The following TPRA1 variants were observed in gnomAD, a reference collection of about 807,000 sequenced individuals.
TPRA1 encodes the protein transmembrane protein adipocyte-associated 1.
In TPRA1, 28 loss-of-function variants were observed where a neutral mutation model predicts 40.1. The observed-to-expected ratio is 0.70, with a 90% CI of 0.52 to 0.96. TPRA1 has a LOEUF of 0.96. TPRA1 is among the 40% of genes least tolerant of loss of function. The pLI is 0.00. For missense variants in TPRA1, 441 were observed against 482.6 expected, an observed-to-expected ratio of 0.91 and a Z score of 0.81; for synonymous variants, 219 against 209.7, an observed-to-expected ratio of 1.04 and a Z score of -0.38.
Position 127,580,621 on chromosome 3 carries a change from C to T in TPRA1, c.-17-458G>A, listed in dbSNP as rs957261804. ...GATGCCGAGTGCCTCAAACAAGGCA[C>T]ACACGTGAGGAGTTCTTGGTAGCGG... On this transcript the variant is annotated intron_variant, in intron 1 of 10. Transcript: ENST00000355552. 5.9e-5 allele frequency among the ~76,000 whole-genome samples: 9 copies of T among 152,364 alleles called. No individual in the cohort carries two copies. The South Asian group carries it at 8.3e-4, about 14-fold the overall frequency.
upstream of TPRA1, among the ~76,000 whole-genome samples, chr3:127,592,317 C>T (rs2107675634): frequency 6.6e-6 from 1 of 151,854 alleles, no homozygotes; most frequent in Middle Eastern, 3.4e-3. Flanking sequence ...TCGGTTCGAA[C>T]CCTGCGAGCG....
intron 3 of TPRA1, among the ~76,000 whole-genome samples, chr3:127,578,185 A>G (rs542635095): frequency 6.6e-6 from 1 of 152,334 alleles, no homozygotes; most frequent in South Asian, 2.1e-4. Context: ...CTTTTGTGCC[A>G]TGAGAAATTG....
intron 1 of TPRA1, chr3:127,587,971 C>A (rs1433599064): frequency 1.3e-5 from 2 of 152,494 alleles, no homozygotes; most frequent in African/African-American, 4.8e-5. Context: ...ACGTAGTAAC[C>A]TCTGTGCCTA....
rs1291768036 is a variant in TPRA1, at chr3:127,576,914, G to A, written c.346-21C>T. 1 of 1,613,648 alleles carries A rather than the reference G, an allele frequency of 6.2e-7. No individual in the cohort carries two copies. The highest frequency in any genetic ancestry group is 8.5e-7 in the Non-Finnish European group (1 of 1,179,974). ...AGGATCTGCACGCAGAGTGGGCACA[G>A]CGTCAGCCTGGACCAGCATCCCCAG... On this transcript the variant is annotated intron_variant, in intron 4 of 10. Coordinates refer to ENST00000355552, the MANE Select transcript of TPRA1 (RefSeq NM_001136053.4). The surrounding 1 kb of genome is among the most constrained non-coding windows in gnomAD (Gnocchi z 4.6).
At position 127,576,716 on chromosome 3, in the gene TPRA1, C is replaced by T. The variant is rs2073644695; in HGVS notation, c.419-20G>A. 1 of 1,609,330 alleles carries T rather than the reference C, an allele frequency of 6.2e-7. No individual in the cohort carries two copies. The highest frequency in any genetic ancestry group is 1.1e-5 in the South Asian group (1 of 90,330). ...GGTGGCCTGGAAGAAACATGCTGGT[C>T]AGCAGGCAGGAGCCAGCCCAGGTGA... is the stretch of plus-strand genomic sequence containing the variant. On this transcript the variant is annotated intron_variant, in intron 5 of 10. Transcript: ENST00000355552. This position sits in a 1 kb window ranked among gnomAD's most constrained non-coding sequence, Gnocchi z 4.6.
upstream of TPRA1, among the ~76,000 whole-genome samples, chr3:127,592,831 G>A (rs896993213): frequency 2.6e-5 from 4 of 152,134 alleles, no homozygotes; most frequent in African/African-American, 9.7e-5. Flanking sequence ...GTTGTACCCG[G>A]ATGGACTCTT....
rs1436139470 is a variant in TPRA1, at chr3:127,576,921, C to T, written c.346-28G>A. 6.2e-7 allele frequency: 1 copy of T among 1,613,670 alleles called. No homozygotes were observed. The highest frequency in any genetic ancestry group is 1.7e-5 in the Admixed American group (1 of 60,026). ...GCACGCAGAGTGGGCACAGCGTCAG[C>T]CTGGACCAGCATCCCCAGCCCACCC... is the stretch of plus-strand genomic sequence containing the variant. On this transcript the variant is annotated intron_variant, in intron 4 of 10. Transcript: ENST00000355552. This position sits in a 1 kb window ranked among gnomAD's most constrained non-coding sequence, Gnocchi z 4.6.
intron 1 of TPRA1, among the ~76,000 whole-genome samples, chr3:127,584,327 G>C (rs2073929945): frequency 1.3e-5 from 2 of 149,798 alleles, no homozygotes; most frequent in Admixed American, 1.3e-4. Context: ...TGTAGTCTTA[G>C]CTACTCGGTG....
Position 127,590,663 on chromosome 3 carries a change from C to G in TPRA1, c.-271G>C, listed in dbSNP as rs1359707211. The G allele has an allele frequency of 3.3e-5, 5 of 152,290 alleles. No homozygotes were observed. The highest frequency in any genetic ancestry group is 7.3e-5 in the Non-Finnish European group (5 of 68,114). 9.4% of individuals were successfully genotyped at this position (152,290 alleles called of 1,614,324 possible). ...CTCGCGGACACCCTGCAGCCCTTCC[C>G]GACAGCGGCGACCGGGAAAGCAAGA... On this transcript the variant is annotated 5_prime_UTR_variant, in exon 1 of 11. Coordinates refer to ENST00000355552, the MANE Select transcript of TPRA1 (RefSeq NM_001136053.4).
chr3:127,597,241 G>A (rs983387268), intron 1 of TPRA1, among the ~76,000 whole-genome samples: 8 of 152,168 alleles, frequency 5.3e-5, no homozygotes, highest in Non-Finnish European at 1.0e-4. Context: ...GGCTAAGAGG[G>A]TTGCGATTCA....
intron 10 of TPRA1, among the ~76,000 whole-genome samples, chr3:127,574,012 G>A (rs2073477442): frequency 6.6e-6 from 1 of 152,166 alleles, no homozygotes; most frequent in South Asian, 2.1e-4. Flanking sequence ...GGGCATCTGT[G>A]CCTGCTTCCT....
chr3:127,596,422 A>G (rs2074241137), intron 1 of TPRA1, among the ~76,000 whole-genome samples: 1 of 152,176 alleles, frequency 6.6e-6, no homozygotes, highest in Non-Finnish European at 1.5e-5. Context: ...ACACAAGCCC[A>G]TGCAGAGTCT....
chr3:127,575,504 AGCTGGGG>A lies in TPRA1; in HGVS notation c.671-6_671del. The A allele has an allele frequency of 1.3e-6, 2 of 1,566,610 alleles. No individual in the cohort carries two copies. Among genetic ancestry groups the A allele is most frequent in the Non-Finnish European group, 1.7e-6 (2 of 1,157,700 alleles). On this transcript the variant is annotated splice_acceptor_variant and splice_polypyrimidine_tract_variant and coding_sequence_variant and intron_variant, in exon 9 of 11. Coordinates refer to ENST00000355552, the MANE Select transcript of TPRA1 (RefSeq NM_001136053.4). LOFTEE classifies it high-confidence loss of function. ...CCGCATACACGTAGAAGCTCCTCCG[AGCTGGGG>A]GCCGGACAGGGTGGGTCGTGAGGTC... is the stretch of plus-strand genomic sequence containing the variant.
upstream of TPRA1, among the ~76,000 whole-genome samples, chr3:127,593,832 G>A (rs139209154): frequency 1.9e-3 from 283 of 152,302 alleles, 1 homozygote; most frequent in East Asian, 9.3e-3. Context: ...CTTCTCAGGG[G>A]CCATCTGATC....
At chr3:127,596,626 A>G (rs762013516) in intron 1 of TPRA1, among the ~76,000 whole-genome samples, 4 of 152,138 alleles carry the variant, frequency 2.6e-5, no homozygotes, top group African/African-American at 4.8e-5. Context: ...AGTCCCATAC[A>G]TGGATATCCA....
At chr3:127,593,198 C>G (rs945967369), upstream of TPRA1, among the ~76,000 whole-genome samples, 7 of 152,142 alleles carry the variant, frequency 4.6e-5, no homozygotes, top group Non-Finnish European at 1.0e-4. Context: ...CAGGACAGAG[C>G]GTGGCATCTG....
In TPRA1 at chr3:127,575,193, G is replaced by T; in HGVS notation, c.846C>A (p.Gly282=). Residue 282 remains glycine, a synonymous_variant, in exon 10 of 11, where the codon GGC becomes GGA. Coordinates refer to ENST00000355552, the MANE Select transcript of TPRA1 (RefSeq NM_001136053.4). ...APLIYVAFLR[G]FFGSEPKILF... is the part of the protein sequence containing the mutation. ...GGCGGCCACAGACTCACCCGAAGAA[G>T]CCCCGGAGGAAAGCCACGTAGATGA... 2 of 1,613,880 alleles carry T rather than the reference G, an allele frequency of 1.2e-6. No homozygotes were observed. Among genetic ancestry groups the T allele is most frequent in the Non-Finnish European group, 1.7e-6 (2 of 1,179,966 alleles).
intron 10 of TPRA1, among the ~76,000 whole-genome samples, chr3:127,574,606 C>T (rs185173504): frequency 1.4e-4 from 22 of 152,326 alleles, no homozygotes; most frequent in Non-Finnish European, 4.4e-5. Context: ...CGCTGTGGGC[C>T]TCGCATCTTC....
rs778276742 is a variant in TPRA1 at position 127,576,982 on chromosome 3, A to G, written c.345+8T>C. The G allele has an allele frequency of 1.4e-5, 22 of 1,613,770 alleles. No homozygotes were observed. The Middle Eastern group carries it at 4.9e-4, about 36-fold the overall frequency. ...CTCCCTGGCCTCCCTCAGAGGGCCCAGCCGCACCTTATCAGCAACAGTTGC... is the reference window on the plus strand; with the variant it reads ...CTCCCTGGCCTCCCTCAGAGGGCCCGGCCGCACCTTATCAGCAACAGTTGC... On this transcript the variant is annotated splice_region_variant and intron_variant, in intron 4 of 10. Coordinates refer to ENST00000355552, the MANE Select transcript of TPRA1 (RefSeq NM_001136053.4). The surrounding 1 kb of genome is among the most constrained non-coding windows in gnomAD (Gnocchi z 4.6).
Sources: allele counts gnomAD v4.1 joint callset (sites outside exome capture counted in the v4.1 genomes callset), GRCh38; gene constraint gnomAD v4.1.1; non-coding constraint Gnocchi (gnomAD v3.1); transcripts MANE v1.5; gene names NCBI Gene and HGNC (gene_info 2026-07-23, HGNC 2026-07-21).